Variants in PFKFB3 observed in about 807,000 individuals in gnomAD.
The protein encoded by PFKFB3 is 6-phosphofructo-2-kinase/fructose-2,6-bisphosphatase 3.
In PFKFB3, 33 loss-of-function variants were observed where a neutral mutation model predicts 68.0. The ratio of observed to expected loss-of-function variants is 0.49; its 90% CI spans 0.37 to 0.65. PFKFB3 has a LOEUF of 0.65. PFKFB3 is among the 30% of genes least tolerant of loss of function. The probability of loss-of-function intolerance (pLI) is 0.00; values close to 1 mark genes in which losing one functional copy is unlikely to be tolerated. For missense variants in PFKFB3, 586 were observed against 712.2 expected, an observed-to-expected ratio of 0.82 and a Z score of 2.02; for synonymous variants, 315 against 288.2, an observed-to-expected ratio of 1.09 and a Z score of -0.94.
At chr10:6,244,016 C>T (rs536044620) in intron 14 of PFKFB3, among the ~76,000 whole-genome samples, 2 of 152,062 alleles carry the variant, frequency 1.3e-5, no homozygotes, top group African/African-American at 4.8e-5. Context: ...CATACTATCA[C>T]GCCCAGCTAA....
At chr10:6,224,041 AG>A (rs779730920) in intron 12 of PFKFB3, 21 bp downstream of exon 12, 1 of 1,614,068 alleles carries the variant, frequency 6.2e-7, no homozygotes, top group Non-Finnish European at 8.5e-7. Context: ...ACCCCTGCCA[AG>A]CCCTGTCCCC....
In PFKFB3 at chr10:6,176,546, A is replaced by C. The variant is rs147256308; in HGVS notation, c.16+31533A>C. ...CTCAGCCTCCTAGGTAGCTGGGACC[A>C]TAGGTGTGCGCCATCATGCCTGGCT... On this transcript the variant is annotated intron_variant, in intron 1 of 14. Transcript: ENST00000379789. Among the ~76,000 whole-genome samples, 1,222 of 152,212 alleles carry C rather than the reference A, an allele frequency of 8.0e-3. 11 individuals are homozygous for C. The highest frequency in any genetic ancestry group is 0.027 in the Middle Eastern group (8 of 294).
At chr10:6,320,273 A>C in the PFKFB3 span, among the ~76,000 whole-genome samples, 2 of 152,178 alleles carry the variant, frequency 1.3e-5, no homozygotes, top group African/African-American at 4.8e-5. Context: ...TAAATGAGGA[A>C]TATGAAGCTG....
At chr10:6,198,655 G>C (rs1843240294), upstream of PFKFB3, among the ~76,000 whole-genome samples, 1 of 152,088 alleles carries the variant, frequency 6.6e-6, no homozygotes, top group Admixed American at 6.5e-5. Flanking sequence ...GCTAATTTTT[G>C]TATTTTTAGT....
intron 1 of PFKFB3, among the ~76,000 whole-genome samples, chr10:6,176,255 C>G (rs114408042): frequency 1.3e-5 from 2 of 151,812 alleles, no homozygotes; most frequent in Non-Finnish European, 2.9e-5. Flanking sequence ...CGTCTGTATC[C>G]GATGTCAAGA....
At chr10:6,146,222 T>TTAACTCTC in intron 1 of PFKFB3, 1 of 1,433,340 alleles carries the variant, frequency 7.0e-7, no homozygotes, top group Non-Finnish European at 9.1e-7. Flanking sequence ...TCTGCCTCTC[T>TTAACTCTC]TCTCTCATAA....
intron 2 of PFKFB3, among the ~76,000 whole-genome samples, chr10:6,214,903 C>T (rs554927386): frequency 6.6e-6 from 1 of 152,218 alleles, no homozygotes; most frequent in African/African-American, 2.4e-5. Flanking sequence ...GGCCTCCCCC[C>T]ACCCATCCTC....
In PFKFB3 at chr10:6,146,239, G is replaced by T. The variant is rs368282723; in HGVS notation, c.16+1226G>T. The T allele has an allele frequency of 1.0e-4, 149 of 1,448,310 alleles. No individual in the cohort carries two copies. In the East Asian group the frequency reaches 3.6e-3, roughly 35 times the overall value. The allele number at this position is 1,448,310 out of a possible 1,614,324, so 89.7% of individuals were successfully genotyped here. ...TGCCTCTCTTCTCTCATAACTCAGA[G>T]GCACGGCCAGCGTGATGCTACGGTT... On this transcript the variant is annotated intron_variant, in intron 1 of 14. Transcript: ENST00000379789.
chr10:6,232,919 G>A lies in PFKFB3; in HGVS notation c.1540G>A (p.Ala514Thr), dbSNP rs1302257709. The A allele has an allele frequency of 3.7e-6, 6 of 1,612,830 alleles. No homozygotes were observed. Among genetic ancestry groups the A allele is most frequent in the East Asian group, 4.5e-5 (2 of 44,882 alleles). Residue 514 changes from alanine to threonine, a missense_variant, in exon 15 of 15, where the codon GCT becomes ACT. Physicochemically the swap from Ala to Thr is moderately conservative, Grantham distance 58. Coordinates refer to ENST00000379775, the MANE Select transcript of PFKFB3 (RefSeq NM_004566.4). ...GAACATGAAAGGCTCCCGGAGCAGC[G>A]CTGACTCCTCCAGGAAACACTGAGG... Reference protein sequence around the residue: ...GQNMKGSRSSADSSRKH With the variant: ...GQNMKGSRSSTDSSRKH
chr10:6,157,006 C>T (rs1588391690), intron 1 of PFKFB3, among the ~76,000 whole-genome samples: 1 of 151,024 alleles, frequency 6.6e-6, no homozygotes, highest in African/African-American at 2.4e-5. Flanking sequence ...GCAGGAGAAT[C>T]GCTTGATCCT....
intron 1 of PFKFB3, among the ~76,000 whole-genome samples, chr10:6,211,217 ATTG>A (rs1453927171): frequency 2.8e-5 from 4 of 142,164 alleles, no homozygotes; most frequent in African/African-American, 7.7e-5. Flanking sequence ...TATTGTTGTT[ATTG>A]TTATTTTCCC....
chr10:6,163,626 C>T (rs1842030019), intron 1 of PFKFB3, among the ~76,000 whole-genome samples: 2 of 152,092 alleles, frequency 1.3e-5, no homozygotes, highest in Non-Finnish European at 2.9e-5. Context: ...CCCAGGTGCA[C>T]CTCGGGCGCC....
the PFKFB3 span, among the ~76,000 whole-genome samples, chr10:6,280,505 C>A: frequency 2.6e-4 from 39 of 152,330 alleles, no homozygotes; most frequent in African/African-American, 8.4e-4. Context: ...TCAGGACACA[C>A]CCTTAGATCG....
the PFKFB3 span, among the ~76,000 whole-genome samples, chr10:6,298,987 T>C: frequency 2.6e-5 from 4 of 152,258 alleles, no homozygotes; most frequent in African/African-American, 9.6e-5. Context: ...AAACCCATGC[T>C]GGTGCATCCT....
chr10:6,251,988 A>G (rs1216035442), intron 14 of PFKFB3, among the ~76,000 whole-genome samples: 4 of 151,474 alleles, frequency 2.6e-5, no homozygotes. Flanking sequence ...ATAAATAAAT[A>G]AAATAAAATA....
downstream of PFKFB3, among the ~76,000 whole-genome samples, chr10:6,236,539 G>A (rs997944598): frequency 6.6e-6 from 1 of 152,254 alleles, no homozygotes; most frequent in South Asian, 2.1e-4. Context: ...AGGCGGCAGA[G>A]ACTTGGCACC....
chr10:6,206,395 CCG>C (rs1554848035), intron 1 of PFKFB3, among the ~76,000 whole-genome samples: 34 of 131,810 alleles, frequency 2.6e-4, no homozygotes, highest in East Asian at 8.8e-4. Flanking sequence ...CAATCTTTCC[CCG>C]CCCCTTTCCC....
At chr10:6,282,366 C>T in the PFKFB3 span, among the ~76,000 whole-genome samples, 6 of 152,160 alleles carry the variant, frequency 3.9e-5, no homozygotes, top group African/African-American at 9.7e-5. Flanking sequence ...TACCCTTGGG[C>T]GGCTCAATGT....
At chr10:6,302,158 G>A in the PFKFB3 span, among the ~76,000 whole-genome samples, 5 of 150,404 alleles carry the variant, frequency 3.3e-5, 1 homozygote, top group East Asian at 2.0e-4. Context: ...AGGTTCAAGC[G>A]ATTCTCCTGC....
Sources: allele counts gnomAD v4.1 joint callset (sites outside exome capture counted in the v4.1 genomes callset), GRCh38; gene constraint gnomAD v4.1.1; transcripts MANE v1.5; gene names NCBI Gene and HGNC (gene_info 2026-07-23, HGNC 2026-07-21).